ADAMTS12: variants seen among roughly 807,000 people sequenced by gnomAD.
ADAMTS12 encodes A disintegrin and metalloproteinase with thrombospondin motifs 12.
In ADAMTS12, 118 loss-of-function variants were observed where a neutral mutation model predicts 167.8. That is an observed-to-expected ratio of 0.70 (90% CI 0.61 to 0.82). The LOEUF is 0.82. Ranked by LOEUF, ADAMTS12 falls within the 40% of genes least tolerant of loss-of-function variation. The probability of loss-of-function intolerance (pLI) is 0.00; values close to 1 mark genes in which losing one functional copy is unlikely to be tolerated. For synonymous variants in ADAMTS12, 704 were observed against 716.9 expected (o/e 0.98, Z 0.29); for missense variants, 1,916 against 1,998.8 (o/e 0.96, Z 0.79).
chr5:33,861,162 A>C (rs1317178921), intron 2 of ADAMTS12, among the ~76,000 whole-genome samples: 1 of 152,188 alleles, frequency 6.6e-6, no homozygotes, highest in Non-Finnish European at 1.5e-5. Flanking sequence ...ATAATGACAG[A>C]ATCAAATTCA....
At chr5:33,771,637 G>T (rs1387981622) in intron 2 of ADAMTS12, among the ~76,000 whole-genome samples, 2 of 152,010 alleles carry the variant, frequency 1.3e-5, no homozygotes, top group Non-Finnish European at 2.9e-5. Flanking sequence ...GGATGGATGG[G>T]TATGGTGGTA....
intron 13 of ADAMTS12, among the ~76,000 whole-genome samples, chr5:33,630,459 C>A (rs1348414588): frequency 6.6e-6 from 1 of 152,108 alleles, no homozygotes; most frequent in Non-Finnish European, 1.5e-5. Flanking sequence ...TTCAGTTTTT[C>A]TCAAATTTAA....
chr5:33,844,083 A>G (rs1478443413), intron 2 of ADAMTS12, among the ~76,000 whole-genome samples: 4 of 152,068 alleles, frequency 2.6e-5, no homozygotes, highest in Non-Finnish European at 5.9e-5. Flanking sequence ...CCCAATCAAT[A>G]CCCTTGTGAT....
intron 5 of ADAMTS12, among the ~76,000 whole-genome samples, chr5:33,681,369 A>T (rs1284675702): frequency 6.6e-6 from 1 of 152,184 alleles, no homozygotes; most frequent in Non-Finnish European, 1.5e-5. Context: ...AAGCTGAATG[A>T]TGCCGTTCTT....
chr5:33,611,491 A>T (rs1253115406), intron 16 of ADAMTS12, among the ~76,000 whole-genome samples: 2 of 152,162 alleles, frequency 1.3e-5, no homozygotes, highest in Admixed American at 6.5e-5. Flanking sequence ...CACAATAATT[A>T]AAAAAATAAA....
chr5:33,609,516 G>A (rs1053351111), intron 16 of ADAMTS12, among the ~76,000 whole-genome samples: 3 of 151,340 alleles, frequency 2.0e-5, no homozygotes, highest in Admixed American at 1.3e-4. Flanking sequence ...GACTACAGGC[G>A]CCCACCACCA....
At position 33,527,254 on chromosome 5, in the gene ADAMTS12, C is replaced by T. The variant is rs1418519137; in HGVS notation, c.4719G>A (p.Gln1573=). The stretch of plus-strand genomic sequence containing the variant: ...GCCTTTGGGTGTGTGTGATGTGTGT[C>T]TGGGGACACGAGAAGCAGCACTCAG... ...VRAECCFSCP[Q]THITHTQRQR... is the part of the protein sequence containing the mutation. Residue 1573 remains glutamine (Q), a synonymous_variant, in exon 24 of 24, where the codon CAG becomes CAA. Transcript: ENST00000504830. 2 of 1,613,962 alleles carry T rather than the reference C, an allele frequency of 1.2e-6. No individual in the cohort carries two copies. The highest frequency in any genetic ancestry group is 3.3e-5 in the Admixed American group (2 of 60,000).
At chr5:33,685,174 G>A (rs927527575) in intron 3 of ADAMTS12, among the ~76,000 whole-genome samples, 12 of 152,350 alleles carry the variant, frequency 7.9e-5, no homozygotes, top group Admixed American at 2.0e-4. Flanking sequence ...GCAGAACATC[G>A]AAGCAGAGTG....
chr5:33,806,539 C>T (rs1279925821), intron 2 of ADAMTS12, among the ~76,000 whole-genome samples: 1 of 152,224 alleles, frequency 6.6e-6, no homozygotes, highest in Non-Finnish European at 1.5e-5. Context: ...GTCAAGGAGT[C>T]TCGGCTTTGG....
At chr5:33,837,233 T>C (rs1179326331) in intron 2 of ADAMTS12, among the ~76,000 whole-genome samples, 1 of 152,200 alleles carries the variant, frequency 6.6e-6, no homozygotes, top group African/African-American at 2.4e-5. Flanking sequence ...GGACTTGAAA[T>C]GTATTATTTT....
intron 2 of ADAMTS12, among the ~76,000 whole-genome samples, chr5:33,842,011 C>G (rs1314740768): frequency 6.6e-6 from 1 of 152,152 alleles, no homozygotes; most frequent in Non-Finnish European, 1.5e-5. Context: ...ACTTCATGAT[C>G]TCCCTGAACA....
rs770237411 is a variant in ADAMTS12 at position 33,527,206 on chromosome 5, T to A, written c.4767A>T (p.Gln1589His). Residue 1589 changes from glutamine to histidine, a missense_variant, in exon 24 of 24, where the codon CAA becomes CAT. Transcript: ENST00000504830. ...TTTGGGCTTAGAGTTCTTTTGACTT[T>A]TGGAGCAACCGTTGCCTTCTTTGCC... ...TQRQRRQRLL[Q>H]KSKEL 1 of 1,614,084 alleles carries A rather than the reference T, an allele frequency of 6.2e-7. No homozygotes were observed. Among genetic ancestry groups the A allele is most frequent in the African/African-American group, 1.3e-5 (1 of 74,940 alleles).
At chr5:33,739,636 C>T (rs1744496961) in intron 3 of ADAMTS12, among the ~76,000 whole-genome samples, 1 of 152,202 alleles carries the variant, frequency 6.6e-6, no homozygotes, top group African/African-American at 2.4e-5. Context: ...CTAGGACTGC[C>T]ACTTCCTCCT....
intron 16 of ADAMTS12, among the ~76,000 whole-genome samples, chr5:33,596,440 G>C (rs1451008196): frequency 6.6e-6 from 1 of 152,184 alleles, no homozygotes; most frequent in Non-Finnish European, 1.5e-5. Context: ...CCAGCACTTT[G>C]GGAGGCAGAG....
chr5:33,784,335 T>C lies in ADAMTS12; in HGVS notation c.490-32787A>G, dbSNP rs557745187. ...CCCTCTCACTACTTTCATTCAACAT[T>C]GTACTGATGGTGAGCCAACGTGATA... On this transcript the variant is annotated intron_variant, in intron 2 of 23. Coordinates refer to ENST00000504830, the MANE Select transcript of ADAMTS12 (RefSeq NM_030955.4). Among the ~76,000 whole-genome samples the C allele has an allele frequency of 6.6e-5, 10 of 152,068 alleles. No individual in the cohort carries two copies. In the South Asian group the frequency reaches 1.9e-3, roughly 28 times the overall value.
At chr5:33,886,731 G>A (rs1301220535) in intron 1 of ADAMTS12, among the ~76,000 whole-genome samples, 1 of 152,012 alleles carries the variant, frequency 6.6e-6, no homozygotes, top group East Asian at 1.9e-4. Flanking sequence ...AATTGCATAG[G>A]AGGCAGCTAA....
At chr5:33,649,921 G>A (rs1177380534) in intron 7 of ADAMTS12, among the ~76,000 whole-genome samples, 1 of 152,162 alleles carries the variant, frequency 6.6e-6, no homozygotes. Context: ...ATGCATCCAT[G>A]GGAGTCATGC....
chr5:33,827,071 C>T (rs1025272429), intron 2 of ADAMTS12, among the ~76,000 whole-genome samples: 19 of 151,298 alleles, frequency 1.3e-4, no homozygotes, highest in African/African-American at 4.6e-4. Context: ...TGATGTGTCT[C>T]ATTCACCGCA....
At chr5:33,637,794 G>A (rs4076947) in intron 11 of ADAMTS12, 48 bp from the exon 12 acceptor site, 1,219,027 of 1,590,514 alleles carry the variant, frequency 0.77, 475,084 homozygotes, top group Non-Finnish European at 0.81. Flanking sequence ...TTCAACGCCA[G>A]CACTTTCCTT....
Sources: gnomAD v4.1 joint callset for allele counts (sites outside exome capture counted in the v4.1 genomes callset) on GRCh38, gnomAD v4.1.1 for gene constraint, MANE v1.5 for transcripts, NCBI Gene and HGNC (gene_info 2026-07-23, HGNC 2026-07-21) for gene names.